NTM: variants seen among roughly 807,000 people sequenced by gnomAD.
NTM encodes neurotrimin.
In NTM, 13 loss-of-function variants were observed where a neutral mutation model predicts 42.1. The ratio of observed to expected loss-of-function variants is 0.31; its 90% CI spans 0.20 to 0.49. The LOEUF is 0.49. Among genes scored for constraint, NTM ranks in the 20% least tolerant of loss-of-function variants. The pLI, the probability that NTM is intolerant of heterozygous loss-of-function variation, is 0.99. For synonymous variants in NTM, 187 were observed against 179.2 expected (o/e 1.04, Z -0.35); for missense variants, 373 against 452.8 (o/e 0.82, Z 1.60).
chr11:132,207,301 G>T (rs867269160), intron 3 of NTM, among the ~76,000 whole-genome samples: 1 of 152,044 alleles, frequency 6.6e-6, no homozygotes, highest in East Asian at 1.9e-4. Context: ...GTAGGAGCAC[G>T]AACCCTTATT....
intron 1 of NTM, among the ~76,000 whole-genome samples, chr11:131,757,715 T>C (rs966498808): frequency 6.6e-6 from 1 of 152,188 alleles, no homozygotes; most frequent in Non-Finnish European, 1.5e-5. Context: ...GTTTGTTTTT[T>C]TCTTAACAGG....
intron 2 of NTM, among the ~76,000 whole-genome samples, chr11:132,134,584 C>A (rs1369099504): frequency 6.6e-6 from 1 of 150,556 alleles, no homozygotes; most frequent in East Asian, 2.0e-4. Context: ...ATATATGACT[C>A]ATATGACATT....
At chr11:131,562,607 C>A (rs2056381246) in intron 1 of NTM, among the ~76,000 whole-genome samples, 1 of 151,948 alleles carries the variant, frequency 6.6e-6, no homozygotes, top group Non-Finnish European at 1.5e-5. Flanking sequence ...ACACAGGAGA[C>A]CTCTTTGAAG....
At chr11:131,910,545 C>T (rs1240395496) in intron 1 of NTM, among the ~76,000 whole-genome samples, 1 of 151,276 alleles carries the variant, frequency 6.6e-6, no homozygotes, top group Admixed American at 6.6e-5. Context: ...GAGGCGGCAC[C>T]GGGAGAAAGT....
At chr11:131,691,171 A>AC (rs922048314) in intron 1 of NTM, among the ~76,000 whole-genome samples, 1 of 151,920 alleles carries the variant, frequency 6.6e-6, no homozygotes, top group Non-Finnish European at 1.5e-5. Flanking sequence ...GGCCCAGGCC[A>AC]CCCCCGGCCC....
Position 131,954,295 on chromosome 11 carries a change from G to A in NTM, c.167+42647G>A, listed in dbSNP as rs183050421. Among the ~76,000 whole-genome samples the A allele has an allele frequency of 6.6e-5, 10 of 152,346 alleles. No individual in the cohort carries two copies. The East Asian group carries it at 1.9e-3, about 29-fold the overall frequency. ...CAGAAGTCGGGGAGAGGCAGGGCTA[G>A]CCTGCTGCTCTGACCAGACCTAGTG... On this transcript the variant is annotated intron_variant, in intron 2 of 8. Coordinates refer to ENST00000683400, the MANE Select transcript of NTM (RefSeq NM_001352005.2).
At chr11:132,203,275 A>G (rs1215738712) in intron 3 of NTM, among the ~76,000 whole-genome samples, 1 of 152,218 alleles carries the variant, frequency 6.6e-6, no homozygotes, top group Non-Finnish European at 1.5e-5. Context: ...ATTGGTCTCT[A>G]CAGGTACACA....
chr11:132,041,663 G>A lies in NTM; in HGVS notation c.168-104619G>A, dbSNP rs569080278. Among the ~76,000 whole-genome samples the A allele has an allele frequency of 1.1e-4, 16 of 152,302 alleles. No homozygotes were observed. The South Asian group carries it at 3.1e-3, about 30-fold the overall frequency. On this transcript the variant is annotated intron_variant, in intron 2 of 8. Transcript: ENST00000683400. ...TCTCTCCACGGTAAATGGGAGCAGA[G>A]GAAGGATCATGGCTGATGACAGCAT...
chr11:131,847,844 C>A (rs1424992486), intron 1 of NTM, among the ~76,000 whole-genome samples: 2 of 152,164 alleles, frequency 1.3e-5, no homozygotes, highest in Non-Finnish European at 2.9e-5. Context: ...CAGTACCATC[C>A]CTCAATATCA....
intron 3 of NTM, among the ~76,000 whole-genome samples, chr11:132,168,849 A>G (rs552721644): frequency 1.3e-5 from 2 of 152,158 alleles, no homozygotes; most frequent in Admixed American, 6.5e-5. Context: ...CCAGTGCACT[A>G]TAAATAAGGC....
intron 1 of NTM, among the ~76,000 whole-genome samples, chr11:131,421,483 A>T (rs1288556517): frequency 1.3e-5 from 2 of 152,118 alleles, no homozygotes; most frequent in Non-Finnish European, 2.9e-5. Flanking sequence ...TTTTGATACC[A>T]AGACTAATGA....
At chr11:131,532,852 T>C (rs1020773412) in intron 1 of NTM, among the ~76,000 whole-genome samples, 2 of 152,246 alleles carry the variant, frequency 1.3e-5, no homozygotes, top group African/African-American at 4.8e-5. Context: ...CATGTGTTTA[T>C]GGCCTGGTAT....
chr11:131,769,538 T>C, intron 1 of NTM: 1 of 904,376 alleles, frequency 1.1e-6, no homozygotes, highest in South Asian at 5.1e-5. Flanking sequence ...TTCGTTTCCT[T>C]TTTTTTCTGG....
At chr11:132,131,653 C>G (rs1310495276) in intron 2 of NTM, among the ~76,000 whole-genome samples, 1 of 152,090 alleles carries the variant, frequency 6.6e-6, no homozygotes, top group Non-Finnish European at 1.5e-5. Context: ...GATCCCAGAC[C>G]TCAAGGTCCT....
chr11:131,540,548 G>A (rs925399366), intron 1 of NTM: 2 of 152,132 alleles, frequency 1.3e-5, no homozygotes, highest in African/African-American at 4.8e-5. Flanking sequence ...GGAAATTTGG[G>A]CATTCCTTTG....
chr11:132,247,970 CCTT>C (rs902182910), intron 4 of NTM, among the ~76,000 whole-genome samples: 3 of 152,190 alleles, frequency 2.0e-5, no homozygotes, highest in African/African-American at 7.2e-5. Context: ...AAGAGCCTCA[CCTT>C]CTCTCCACAG....
At position 131,828,605 on chromosome 11, in the gene NTM, A is replaced by T. The variant is rs572479675; in HGVS notation, c.83-82959A>T. Among the ~76,000 whole-genome samples, 3 of 152,100 alleles carry T rather than the reference A, an allele frequency of 2.0e-5. No individual in the cohort carries two copies. The South Asian group carries it at 6.2e-4, about 32-fold the overall frequency. ...AGTCATCACGAACATCATCACCGCC[A>T]CCTTAACCATCATTGCCAACATCAC... On this transcript the variant is annotated intron_variant, in intron 1 of 8. Transcript: ENST00000683400.
intron 2 of NTM, among the ~76,000 whole-genome samples, chr11:132,015,960 T>C (rs1053306069): frequency 1.3e-5 from 2 of 152,004 alleles, no homozygotes; most frequent in East Asian, 3.9e-4. Flanking sequence ...CTATGTTGAA[T>C]AGGAGTAGTG....
chr11:132,028,237 TC>T (rs1201771186), intron 2 of NTM, among the ~76,000 whole-genome samples: 2 of 149,202 alleles, frequency 1.3e-5, no homozygotes, highest in Non-Finnish European at 3.0e-5. Context: ...CTCTGTTTCT[TC>T]CAGCTGGTTT....
Sources: gnomAD v4.1 joint callset for allele counts (sites outside exome capture counted in the v4.1 genomes callset) on GRCh38, gnomAD v4.1.1 for gene constraint, MANE v1.5 for transcripts, NCBI Gene and HGNC (gene_info 2026-07-23, HGNC 2026-07-21) for gene names.